Variants in SGCD observed in about 807,000 individuals in gnomAD.
SGCD encodes the protein delta-sarcoglycan.
A neutral mutation model predicts 36.6 loss-of-function variants in SGCD; 18 were observed. The observed-to-expected ratio is 0.49, with a 90% CI of 0.34 to 0.73. SGCD has a LOEUF of 0.73. Ranked by LOEUF, SGCD falls within the 30% of genes least tolerant of loss-of-function variation. The pLI is 0.01. For synonymous variants in SGCD, 133 were observed against 130.6 expected (o/e 1.02, Z -0.12); for missense variants, 387 against 346.7 (o/e 1.12, Z -0.92).
intron 3 of SGCD, among the ~76,000 whole-genome samples, chr5:156,125,086 T>A (rs1762138605): frequency 6.6e-6 from 1 of 152,184 alleles, no homozygotes; most frequent in Non-Finnish European, 1.5e-5. Flanking sequence ...TTTTATAGCT[T>A]ACAACCACAT....
chr5:156,092,494 G>A (rs1448763916), intron 1 of SGCD, among the ~76,000 whole-genome samples: 1 of 152,080 alleles, frequency 6.6e-6, no homozygotes, highest in Non-Finnish European at 1.5e-5. Context: ...CAAGTTCTTT[G>A]CCAATATTTC....
chr5:156,282,656 G>A (rs1766483437), intron 3 of SGCD, among the ~76,000 whole-genome samples: 1 of 152,140 alleles, frequency 6.6e-6, no homozygotes, highest in Non-Finnish European at 1.5e-5. Context: ...TTACTGGTGT[G>A]AGTGTTTTTT....
chr5:155,815,831 G>T, the SGCD span, among the ~76,000 whole-genome samples: 1 of 152,062 alleles, frequency 6.6e-6, no homozygotes, highest in African/African-American at 2.4e-5. Context: ...TTCTACATGA[G>T]ATTTGAGGGG....
intron 3 of SGCD, among the ~76,000 whole-genome samples, chr5:156,283,339 C>T (rs185646795): frequency 7.2e-5 from 11 of 152,278 alleles, no homozygotes; most frequent in African/African-American, 2.4e-4. Context: ...TGGTGTAACT[C>T]CGTTATGCAC....
chr5:156,505,813 CT>C (rs568727842), intron 3 of SGCD, among the ~76,000 whole-genome samples: 317 of 151,658 alleles, frequency 2.1e-3, no homozygotes, highest in African/African-American at 7.4e-3. Flanking sequence ...ACCCCTACCC[CT>C]GGGAGGAGAA....
intron 3 of SGCD, among the ~76,000 whole-genome samples, chr5:156,411,251 C>G (rs1015635619): frequency 3.3e-5 from 5 of 152,204 alleles, no homozygotes; most frequent in African/African-American, 1.2e-4. Context: ...TGCACAGAAC[C>G]TTTTTCTTCA....
intron 3 of SGCD, among the ~76,000 whole-genome samples, chr5:156,248,884 G>A (rs1581194542): frequency 6.6e-6 from 1 of 152,186 alleles, no homozygotes; most frequent in Non-Finnish European, 1.5e-5. Context: ...GGGTTGGCAA[G>A]CTGATGTCAA....
chr5:156,103,137 C>T (rs1761560756), intron 1 of SGCD, among the ~76,000 whole-genome samples: 1 of 152,158 alleles, frequency 6.6e-6, no homozygotes, highest in Non-Finnish European at 1.5e-5. Flanking sequence ...TTAGCTACTG[C>T]TAGTTGAATC....
chr5:156,036,546 C>CGTTA (rs1293657193), intron 1 of SGCD, among the ~76,000 whole-genome samples: 4 of 152,164 alleles, frequency 2.6e-5, no homozygotes, highest in African/African-American at 9.7e-5. Context: ...AAAGACAACT[C>CGTTA]AGAGACATAC....
chr5:156,095,064 G>A (rs1008291267), intron 1 of SGCD, among the ~76,000 whole-genome samples: 1 of 152,094 alleles, frequency 6.6e-6, no homozygotes, highest in Non-Finnish European at 1.5e-5. Context: ...GTCTGACCTT[G>A]TTAAAACTGT....
intron 3 of SGCD, among the ~76,000 whole-genome samples, chr5:156,383,023 G>A (rs1771066372): frequency 6.6e-6 from 1 of 152,126 alleles, no homozygotes; most frequent in Admixed American, 6.5e-5. Flanking sequence ...TTTATAAGAA[G>A]CTGTTAAAGA....
intron 3 of SGCD, among the ~76,000 whole-genome samples, chr5:156,132,174 G>A (rs926534171): frequency 6.6e-6 from 1 of 152,124 alleles, no homozygotes; most frequent in African/African-American, 2.4e-5. Flanking sequence ...CACTGAGGGT[G>A]GGGAGATGGG....
At chr5:155,886,208 G>A (rs1187282744) in intron 1 of SGCD, among the ~76,000 whole-genome samples, 4 of 152,114 alleles carry the variant, frequency 2.6e-5, no homozygotes, top group East Asian at 1.9e-4. Flanking sequence ...AAAATACAGG[G>A]GTATAGGATA....
intron 3 of SGCD, among the ~76,000 whole-genome samples, chr5:156,310,236 T>C (rs976877741): frequency 7.2e-5 from 11 of 152,140 alleles, no homozygotes; most frequent in African/African-American, 2.4e-4. Flanking sequence ...TAAAAAGAAA[T>C]ATAAAGTTGG....
chr5:156,121,531 CT>C (rs540849856), intron 2 of SGCD, among the ~76,000 whole-genome samples: 69 of 152,022 alleles, frequency 4.5e-4, no homozygotes, highest in African/African-American at 1.5e-3. Context: ...ATAAGGGAGC[CT>C]TTTATCAGTT....
At chr5:156,152,642 TTGAAA>T (rs1023844305) in intron 3 of SGCD, among the ~76,000 whole-genome samples, 5 of 151,758 alleles carry the variant, frequency 3.3e-5, no homozygotes, top group African/African-American at 1.2e-4. Context: ...TGACTACCTG[TTGAAA>T]TGGTAGTATT....
intron 3 of SGCD, among the ~76,000 whole-genome samples, chr5:156,233,924 G>T (rs1023780399): frequency 1.3e-5 from 2 of 152,096 alleles, no homozygotes; most frequent in East Asian, 3.9e-4. Context: ...TTTTAAAAAA[G>T]AAATGTGTTG....
At chr5:156,046,860 A>G (rs1384065298) in intron 1 of SGCD, among the ~76,000 whole-genome samples, 1 of 152,182 alleles carries the variant, frequency 6.6e-6, no homozygotes, top group Non-Finnish European at 1.5e-5. Context: ...CTTAGCAAGG[A>G]AGGCATGTCT....
At chr5:156,113,256 G>T (rs1434986295) in intron 1 of SGCD, among the ~76,000 whole-genome samples, 2 of 152,132 alleles carry the variant, frequency 1.3e-5, no homozygotes, top group Non-Finnish European at 2.9e-5. Flanking sequence ...TAGTCCCTAA[G>T]AAAAGTCTTC....
Sources: gnomAD v4.1 joint callset for allele counts (sites outside exome capture counted in the v4.1 genomes callset) on GRCh38, gnomAD v4.1.1 for gene constraint, MANE v1.5 for transcripts, NCBI Gene and HGNC (gene_info 2026-07-23, HGNC 2026-07-21) for gene names.